TECTB: variants seen among roughly 807,000 people sequenced by gnomAD.
TECTB encodes the protein beta-tectorin.
In TECTB, 45 loss-of-function variants were observed where a neutral mutation model predicts 43.3. The ratio of observed to expected loss-of-function variants is 1.04; its 90% CI spans 0.82 to 1.33. The LOEUF (loss-of-function observed/expected upper bound fraction) is 1.33. Ranked by LOEUF, TECTB falls within the 40% of genes most tolerant of loss-of-function variation. TECTB has a pLI of 0.00. For missense variants in TECTB, 399 were observed against 404.7 expected (o/e 0.99, Z 0.12); for synonymous variants, 169 against 156.7 (o/e 1.08, Z -0.59).
chr10:112,291,683 T>C (rs78357079), intron 5 of TECTB, among the ~76,000 whole-genome samples: 2,408 of 152,378 alleles, frequency 0.016, 65 homozygotes, highest in African/African-American at 0.055. Flanking sequence ...CTAAGCTTTA[T>C]TCTCCTATTA....
At chr10:112,292,767 C>A (rs950789379) in intron 5 of TECTB, among the ~76,000 whole-genome samples, 2 of 151,990 alleles carry the variant, frequency 1.3e-5, no homozygotes, top group African/African-American at 4.8e-5. Flanking sequence ...TTGATCAGCC[C>A]CCACAACTTA....
At chr10:112,300,279 A>AAAAG (rs71303596) in intron 9 of TECTB, among the ~76,000 whole-genome samples, 2,267 of 48,214 alleles carry the variant, frequency 0.047, 92 homozygotes, top group South Asian at 0.059. Context: ...AGAAAGAAAG[A>AAAAG]AAAGAAAGAA....
chr10:112,289,061 G>T (rs1423768989), intron 5 of TECTB, among the ~76,000 whole-genome samples: 1 of 152,136 alleles, frequency 6.6e-6, no homozygotes, highest in East Asian at 1.9e-4. Context: ...GCATTTGTTA[G>T]CAGGGATAAT....
intron 5 of TECTB, among the ~76,000 whole-genome samples, chr10:112,291,472 C>A (rs1404474854): frequency 6.6e-6 from 1 of 152,220 alleles, no homozygotes; most frequent in African/African-American, 2.4e-5. Context: ...TTCACAATAG[C>A]AAAGCCATGG....
At chr10:112,300,230 T>TAAAGAAAGAAAGAAAGAAAGAAAG (rs1554854200) in intron 9 of TECTB, among the ~76,000 whole-genome samples, 1 of 55,024 alleles carries the variant, frequency 1.8e-5, no homozygotes, top group Non-Finnish European at 3.5e-5. Context: ...CAGAAAGAAA[T>TAAAGAAAGAAAGAAAGAAAGAAAG]AAAGAAAGAA....
chr10:112,301,490 T>C (rs957274310), intron 9 of TECTB, among the ~76,000 whole-genome samples: 3 of 152,152 alleles, frequency 2.0e-5, no homozygotes, highest in Admixed American at 1.3e-4. Context: ...CACTCGTTCA[T>C]GTAGATATTG....
At chr10:112,297,132 G>A (rs1218912390) in intron 7 of TECTB, among the ~76,000 whole-genome samples, 2 of 152,150 alleles carry the variant, frequency 1.3e-5, no homozygotes, top group African/African-American at 2.4e-5. Context: ...GTTTCTCAAT[G>A]TTGGCACCTT....
intron 9 of TECTB, among the ~76,000 whole-genome samples, chr10:112,301,426 A>G (rs1240006411): frequency 6.8e-6 from 1 of 148,006 alleles, no homozygotes; most frequent in Non-Finnish European, 1.5e-5. Context: ...AAAAAAAATT[A>G]TATGAAATTC....
intron 5 of TECTB, among the ~76,000 whole-genome samples, chr10:112,287,786 G>C (rs367951053): frequency 6.6e-6 from 1 of 152,184 alleles, no homozygotes; most frequent in Non-Finnish European, 1.5e-5. Context: ...TACTTACTGC[G>C]AAGGGAATGA....
At chr10:112,292,963 A>T (rs1055403147) in intron 5 of TECTB, among the ~76,000 whole-genome samples, 2 of 152,068 alleles carry the variant, frequency 1.3e-5, no homozygotes, top group Non-Finnish European at 2.9e-5. Flanking sequence ...ATCTTGCTCA[A>T]ATGTCACATC....
intron 10 of TECTB, 64 bp from the exon 11 acceptor site, chr10:112,303,199 T>G: frequency 3.8e-6 from 6 of 1,590,638 alleles, no homozygotes; most frequent in Middle Eastern, 1.7e-4. Context: ...ACTCTTCTGT[T>G]GAGTTGGCTT....
At chr10:112,302,192 T>C in intron 10 of TECTB, 59 bp downstream of exon 10, 1 of 1,586,212 alleles carries the variant, frequency 6.3e-7, no homozygotes, top group Non-Finnish European at 8.6e-7. Flanking sequence ...AGGCAGAGAG[T>C]GTTTTAAGAG....
rs1369495752 is a variant in TECTB, at chr10:112,298,211, G to A, written c.814G>A (p.Glu272Lys). Residue 272 changes from glutamate (E) to lysine (K), a missense_variant, in exon 8 of 11, where the codon GAG becomes AAG. Physicochemically the swap from Glu to Lys is moderately conservative, Grantham distance 56. Transcript: ENST00000646139. ...CTGTGAGACGTTCATCTGCGACAGT[G>A]AGAAACTCTCCTGCCCAGTGGTGAG... ...LHCETFICDS[E>K]KLSCPVTCDK... 2 of 1,614,054 alleles carry A rather than the reference G, an allele frequency of 1.2e-6. No homozygotes were observed. The highest frequency in any genetic ancestry group is 2.2e-5 in the South Asian group (2 of 91,024).
chr10:112,298,063 C>T lies in TECTB; in HGVS notation c.672-6C>T. 6.2e-7 allele frequency: 1 copy of T among 1,614,130 alleles called. No homozygotes were observed. ...CAGTTCACTCTTCTTTCCCCATCTGCCTCAGCTGCCCCACGGATGAAACCG... is the reference window on the plus strand; with the variant it reads ...CAGTTCACTCTTCTTTCCCCATCTGTCTCAGCTGCCCCACGGATGAAACCG... On this transcript the variant is annotated splice_region_variant and splice_polypyrimidine_tract_variant and intron_variant, in intron 7 of 10. Coordinates refer to ENST00000646139, the MANE Select transcript of TECTB (RefSeq NM_058222.3).
At chr10:112,285,897 T>C (rs574776839) in intron 3 of TECTB, among the ~76,000 whole-genome samples, 174 bp from the exon 4 acceptor site, 1 of 152,274 alleles carries the variant, frequency 6.6e-6, no homozygotes, top group East Asian at 1.9e-4. Context: ...AGGAACCCTT[T>C]ACAAAATTAT....
At chr10:112,298,792 A>G (rs1848571455) in intron 8 of TECTB, among the ~76,000 whole-genome samples, 1 of 152,206 alleles carries the variant, frequency 6.6e-6, no homozygotes, top group African/African-American at 2.4e-5. Context: ...GCCAGCAGTC[A>G]TGCCGGTGCT....
intron 7 of TECTB, among the ~76,000 whole-genome samples, chr10:112,296,544 C>T (rs1016621824): frequency 2.0e-5 from 3 of 152,226 alleles, no homozygotes; most frequent in East Asian, 1.9e-4. Context: ...TGAGTTCATA[C>T]GAGGATCTCG....
chr10:112,299,510 C>G lies in TECTB; in HGVS notation c.853C>G (p.Arg285Gly). 6.2e-7 allele frequency: 1 copy of G among 1,614,248 alleles called. No homozygotes were observed. Among genetic ancestry groups the G allele is most frequent in the South Asian group, 1.1e-5 (1 of 91,090 alleles). The change falls in exon 9 of 11, where the codon CGC (arginine) becomes GGC (glycine). Residue 285 changes from arginine (R) to glycine (G), a missense_variant. By Grantham distance (125) the Arg-to-Gly change is moderately radical. Transcript: ENST00000646139. Reference sequence around the variant, plus strand: ...TCTTCAGACCTGCGATAAACGGAAGCGCCTCCTGCGAGACCAGACCGGGGG... The same window carrying G: ...TCTTCAGACCTGCGATAAACGGAAGGGCCTCCTGCGAGACCAGACCGGGGG... ...SCPVTCDKRK[R>G]LLRDQTGGVL...
chr10:112,301,961 T>G, intron 9 of TECTB, 140 bp from the exon 10 acceptor site: 1 of 923,664 alleles, frequency 1.1e-6, no homozygotes, highest in Middle Eastern at 3.4e-4. Context: ...CCCGCCCACC[T>G]GGGCCTCCCA....
Sources: gnomAD v4.1 joint callset for allele counts (sites outside exome capture counted in the v4.1 genomes callset) on GRCh38, gnomAD v4.1.1 for gene constraint, MANE v1.5 for transcripts, NCBI Gene and HGNC (gene_info 2026-07-23, HGNC 2026-07-21) for gene names.